Variants in NAV1 observed in about 807,000 individuals in gnomAD.
The protein encoded by NAV1 is neuron navigator 1, also known as pore membrane and/or filament interacting like protein 3.
In NAV1, 18 loss-of-function variants were observed where a neutral mutation model predicts 175.2. The observed-to-expected ratio is 0.10, with a 90% CI of 0.07 to 0.15. The LOEUF is 0.15. Among genes scored for constraint, NAV1 ranks in the 10% least tolerant of loss-of-function variants. The pLI, the probability that NAV1 is intolerant of heterozygous loss-of-function variation, is 1.00. For synonymous variants in NAV1, 897 were observed against 978.7 expected, an observed-to-expected ratio of 0.92 and a Z score of 1.56; for missense variants, 1,731 against 2,436.6, an observed-to-expected ratio of 0.71 and a Z score of 6.10.
At chr1:201,597,749 G>A (rs891774553) in intron 2 of NAV1, among the ~76,000 whole-genome samples, 7 of 152,228 alleles carry the variant, frequency 4.6e-5, no homozygotes, top group African/African-American at 9.6e-5. Flanking sequence ...CCTGTTCCGC[G>A]GGGAAGATTT....
intron 2 of NAV1, among the ~76,000 whole-genome samples, chr1:201,605,582 G>C (rs1667651875): frequency 6.6e-6 from 1 of 152,212 alleles, no homozygotes; most frequent in African/African-American, 2.4e-5. Flanking sequence ...GCAAGAATGA[G>C]AGCCACGGGC....
At chr1:201,794,382 C>T in intron 14 of NAV1, 84 bp from the exon 19 acceptor site, 1 of 1,252,208 alleles carries the variant, frequency 8.0e-7, no homozygotes, top group Non-Finnish European at 1.1e-6. Flanking sequence ...CTCAGGTGAT[C>T]CGCCCACCTC....
Position 201,656,506 on chromosome 1 carries a change from C to T in NAV1, c.757+7081C>T, listed in dbSNP as rs74813537. ...CATGGAGAGCTGGGCTCATAAACTA[C>T]GACCTTGGGCTGAGCAGGAAGATAG... On this transcript the variant is annotated intron_variant, in intron 1 of 29. Transcript: ENST00000367296. Among the ~76,000 whole-genome samples the T allele has an allele frequency of 2.9e-3, 449 of 152,292 alleles. 5 individuals carry two copies. Among genetic ancestry groups the T allele is most frequent in the African/African-American group, 0.01 (417 of 41,560 alleles).
rs1020674949 is a variant in NAV1, at chr1:201,782,034, G to A, written c.1664-142G>A. On this transcript the variant is annotated intron_variant, in intron 5 of 29. Transcript: ENST00000367296. This position sits in a 1 kb window ranked among gnomAD's most constrained non-coding sequence, Gnocchi z 5.4. The stretch of plus-strand genomic sequence containing the variant: ...ACAAGAAACTTTATCAGCTTATCTT[G>A]TACCTGTTTACCCAAATTTAGGCCT... 36 of 675,054 alleles carry A rather than the reference G, an allele frequency of 5.3e-5. 1 individual carries two copies. Among genetic ancestry groups the A allele is most frequent in the Non-Finnish European group, 8.4e-5 (35 of 416,426 alleles). The allele number at this position is 675,054 out of a possible 1,614,324, so 41.8% of individuals were successfully genotyped here.
chr1:201,741,677 G>A (rs1277636879), intron 3 of NAV1, among the ~76,000 whole-genome samples: 1 of 152,166 alleles, frequency 6.6e-6, no homozygotes, highest in Non-Finnish European at 1.5e-5. Flanking sequence ...CCTGGAGGGT[G>A]TGCAAGTCCT....
intron 1 of NAV1, among the ~76,000 whole-genome samples, chr1:201,561,116 C>T (rs559491985): frequency 6.6e-6 from 1 of 152,182 alleles, no homozygotes; most frequent in South Asian, 2.1e-4. Flanking sequence ...CCACAGCTTG[C>T]CTCTGTGGTG....
chr1:201,650,061 C>T (rs1471841513), intron 1 of NAV1, among the ~76,000 whole-genome samples: 1 of 152,244 alleles, frequency 6.6e-6, no homozygotes, highest in African/African-American at 2.4e-5. Flanking sequence ...GGCTCTGGCC[C>T]CAACCCCTAC....
chr1:201,743,003 C>T (rs961514166), intron 3 of NAV1, among the ~76,000 whole-genome samples: 1 of 152,252 alleles, frequency 6.6e-6, no homozygotes, highest in East Asian at 1.9e-4. Context: ...CTGTAAAACA[C>T]AAGCCATACT....
chr1:201,816,834 T>C lies in NAV1; in HGVS notation c.5341-254T>C. Reference sequence around the variant, plus strand: ...ACGCACCGCCATGCATGGCTAATTTTTTTTTTCTTTTTTCTTTTTAGTAGA... The same window carrying C: ...ACGCACCGCCATGCATGGCTAATTTCTTTTTTCTTTTTTCTTTTTAGTAGA... On this transcript the variant is annotated intron_variant, in intron 28 of 29. Coordinates refer to ENST00000367296, the Ensembl canonical transcript of NAV1. 1.5e-5 allele frequency: 7 copies of C among 465,258 alleles called. No homozygotes were observed. In the South Asian group the frequency reaches 1.6e-4, roughly 11 times the overall value. 28.8% of individuals were successfully genotyped at this position (465,258 alleles called of 1,614,324 possible).
intron 8 of NAV1, 68 bp downstream of exon 12, chr1:201,785,419 C>G (rs1571491832): frequency 6.7e-7 from 1 of 1,493,382 alleles, no homozygotes; most frequent in East Asian, 2.3e-5. Flanking sequence ...AATCATATCT[C>G]AACCTGTCCA....
At chr1:201,578,827 CA>C (rs1248996633) in intron 1 of NAV1, among the ~76,000 whole-genome samples, 1 of 152,058 alleles carries the variant, frequency 6.6e-6, no homozygotes, top group Non-Finnish European at 1.5e-5. Context: ...TATCATTGAA[CA>C]ACTATCATCT....
At chr1:201,544,342 G>A (rs1425662337) in intron 1 of NAV1, among the ~76,000 whole-genome samples, 2 of 152,176 alleles carry the variant, frequency 1.3e-5, no homozygotes, top group African/African-American at 4.8e-5. Flanking sequence ...TCCCCATCTG[G>A]TCGGTAATAC....
At chr1:201,616,055 G>A (rs1558020312) in intron 2 of NAV1, among the ~76,000 whole-genome samples, 3 of 151,684 alleles carry the variant, frequency 2.0e-5, no homozygotes. Context: ...AATACTTGTT[G>A]GTCCTTACTA....
At chr1:201,705,414 T>C (rs35659204) in intron 1 of NAV1, among the ~76,000 whole-genome samples, 3,807 of 152,256 alleles carry the variant, frequency 0.025, 71 homozygotes, top group Non-Finnish European at 0.037. Flanking sequence ...TTTCTGGGTA[T>C]GTGTCCCCAT....
intron 2 of NAV1, among the ~76,000 whole-genome samples, chr1:201,600,758 G>C (rs1667490368): frequency 6.6e-6 from 1 of 152,146 alleles, no homozygotes. Flanking sequence ...CTCAGTCCTA[G>C]TAAAAGAGCA....
intron 1 of NAV1, among the ~76,000 whole-genome samples, chr1:201,541,730 T>C (rs963024366): frequency 2.0e-5 from 3 of 152,170 alleles, no homozygotes; most frequent in Non-Finnish European, 4.4e-5. Context: ...GCCGAGATCA[T>C]GCCATTGCAC....
At position 201,615,564 on chromosome 1, in the gene NAV1, ATTTCT is replaced by A. The variant is rs546621351; in HGVS notation, c.-32-7288_-32-7284del. On this transcript the variant is annotated intron_variant, in intron 2 of 33. Transcript: ENST00000685211. ...AGGCATGAGCCACCATTCTTGGCCA[ATTTCT>A]GCCATTTCTTGAGCACTTCCTATGT... 3.0e-4 allele frequency among the ~76,000 whole-genome samples: 46 copies of A among 152,240 alleles called. 1 individual carries two copies. In the East Asian group the frequency reaches 8.3e-3, roughly 27 times the overall value.
intron 2 of NAV1, among the ~76,000 whole-genome samples, chr1:201,641,119 A>G (rs862922): frequency 0.42 from 64,006 of 151,978 alleles, 13,971 homozygotes; most frequent in South Asian, 0.48. Context: ...AAGCCTTCCC[A>G]TTTTGCTTGA....
chr1:201,698,534 C>T (rs1447798934), intron 1 of NAV1, among the ~76,000 whole-genome samples: 1 of 152,230 alleles, frequency 6.6e-6, no homozygotes, highest in Non-Finnish European at 1.5e-5. Context: ...AATGCAGCCA[C>T]TTCCAAGGGA....
Sources: allele counts gnomAD v4.1 joint callset (sites outside exome capture counted in the v4.1 genomes callset), GRCh38; gene constraint gnomAD v4.1.1; non-coding constraint Gnocchi (gnomAD v3.1); transcripts MANE v1.5; gene names NCBI Gene and HGNC (gene_info 2026-07-23, HGNC 2026-07-21).